Variants in MSL2 observed in about 807,000 individuals in gnomAD.
MSL2 encodes the protein E3 ubiquitin-protein ligase MSL2.
Under a neutral mutation model 35.8 loss-of-function variants are expected in MSL2, and 2 were observed. The ratio of observed to expected loss-of-function variants is 0.06; its 90% confidence interval spans 0.02 to 0.18. The LOEUF is 0.18. Ranked by LOEUF, MSL2 falls within the 10% of genes least tolerant of loss-of-function variation. MSL2 has a pLI of 1.00. For synonymous variants in MSL2, 296 were observed against 255.7 expected, an observed-to-expected ratio of 1.16 and a Z score of -1.50; for missense variants, 523 against 706.7, an observed-to-expected ratio of 0.74 and a Z score of 2.95.
chr3:136,160,226 A>C (rs916540827), intron 1 of MSL2, among the ~76,000 whole-genome samples: 4 of 146,502 alleles, frequency 2.7e-5, no homozygotes, highest in Admixed American at 1.4e-4. Flanking sequence ...CAGTGAGCCA[A>C]GATGGTGCCA....
At chr3:136,187,755 T>C (rs532947131) in intron 1 of MSL2, among the ~76,000 whole-genome samples, 1 of 152,278 alleles carries the variant, frequency 6.6e-6, no homozygotes, top group Admixed American at 6.5e-5. Flanking sequence ...TAAATATTGT[T>C]TTTCAAATGC....
intron 1 of MSL2, among the ~76,000 whole-genome samples, chr3:136,159,297 C>G (rs1409133760): frequency 6.8e-6 from 1 of 147,178 alleles, no homozygotes; most frequent in Non-Finnish European, 1.5e-5. Flanking sequence ...CATTTATGGT[C>G]AACCAATTTG....
At chr3:136,176,044 C>T (rs763398789) in intron 1 of MSL2, among the ~76,000 whole-genome samples, 1 of 151,756 alleles carries the variant, frequency 6.6e-6, no homozygotes, top group Non-Finnish European at 1.5e-5. Flanking sequence ...GATACATATA[C>T]AAGGAAATAA....
intron 1 of MSL2, 63 bp downstream of exon 1, chr3:136,194,909 T>C: frequency 1.2e-6 from 2 of 1,607,230 alleles, no homozygotes; most frequent in South Asian, 1.1e-5. Context: ...CCGCTCACGT[T>C]ACCACTGCCC....
intron 1 of MSL2, among the ~76,000 whole-genome samples, chr3:136,158,523 C>T (rs1034044950): frequency 3.9e-5 from 6 of 151,996 alleles, no homozygotes; most frequent in Admixed American, 2.6e-4. Flanking sequence ...AAAGGTAAAA[C>T]ACAACGCTTT....
chr3:136,180,571 G>A (rs1354069348), intron 1 of MSL2, among the ~76,000 whole-genome samples: 1 of 151,182 alleles, frequency 6.6e-6, no homozygotes, highest in Non-Finnish European at 1.5e-5. Context: ...ACGGAGGCTG[G>A]CACCTGTAAT....
chr3:136,194,337 C>G, intron 1 of MSL2: 1 of 885,984 alleles, frequency 1.1e-6, no homozygotes, highest in Non-Finnish European at 1.4e-6. Context: ...AAATAACCCT[C>G]GACAAAGCCA....
intron 1 of MSL2, among the ~76,000 whole-genome samples, chr3:136,166,788 G>A (rs1939867125): frequency 6.6e-6 from 1 of 152,048 alleles, no homozygotes; most frequent in African/African-American, 2.4e-5. Context: ...TAAACAACAA[G>A]GTTATCAGTA....
At chr3:136,160,515 GC>G (rs1473178788) in intron 1 of MSL2, among the ~76,000 whole-genome samples, 1 of 151,094 alleles carries the variant, frequency 6.6e-6, no homozygotes, top group African/African-American at 2.4e-5. Flanking sequence ...TTCGAGACCA[GC>G]CTGGCCAACA....
At chr3:136,188,974 A>C (rs1323250722) in intron 1 of MSL2, among the ~76,000 whole-genome samples, 3 of 151,746 alleles carry the variant, frequency 2.0e-5, no homozygotes, top group Non-Finnish European at 4.4e-5. Flanking sequence ...CCTTTCCCTA[A>C]AGCAGTATCA....
chr3:136,156,701 A>G (rs1939536960), intron 1 of MSL2, among the ~76,000 whole-genome samples: 1 of 152,084 alleles, frequency 6.6e-6, no homozygotes, highest in Admixed American at 6.6e-5. Flanking sequence ...CATCAATACA[A>G]AAAATTAGCC....
chr3:136,194,808 G>A (rs536365059), intron 1 of MSL2, among the ~76,000 whole-genome samples, 164 bp downstream of exon 1: 92 of 152,132 alleles, frequency 6.0e-4, no homozygotes, highest in Non-Finnish European at 8.2e-4. Flanking sequence ...CTGAAACGCC[G>A]GGCAAAAGTC....
chr3:136,159,311 G>A lies in MSL2; in HGVS notation c.143-6573C>T, dbSNP rs781242545. ...ACATTTATGGTCAACCAATTTGTGC[G>A]ACAGGGTATCCAGATGATTCAATGG... is the stretch of plus-strand genomic sequence containing the variant. On this transcript the variant is annotated intron_variant, in intron 1 of 1. Coordinates refer to ENST00000309993, the MANE Select transcript of MSL2 (RefSeq NM_018133.4). Among the ~76,000 whole-genome samples, 73 of 149,666 alleles carry A rather than the reference G, an allele frequency of 4.9e-4. 1 individual carries two copies. The highest frequency in any genetic ancestry group is 3.6e-3 in the Middle Eastern group (1 of 280).
rs1171974914 is a variant in MSL2, at chr3:136,149,640, C to G, written c.*1507G>C. ...ACAACAACAACAAAAACAACTCTAC[C>G]TGACCACATTCACAGAAAATGACAC... On this transcript the variant is annotated 3_prime_UTR_variant, in exon 2 of 2. Transcript: ENST00000309993. 6.8e-6 allele frequency: 1 copy of G among 147,444 alleles called. No homozygotes were observed. The highest frequency in any genetic ancestry group is 6.8e-5 in the Admixed American group (1 of 14,684). 9.1% of individuals were successfully genotyped at this position (147,444 alleles called of 1,614,324 possible).
At chr3:136,178,270 G>C (rs1266653338) in intron 1 of MSL2, among the ~76,000 whole-genome samples, 1 of 152,142 alleles carries the variant, frequency 6.6e-6, no homozygotes, top group Non-Finnish European at 1.5e-5. Flanking sequence ...GCAAAGCAAT[G>C]ACAGCCACTC....
chr3:136,186,008 T>A (rs2108091982), intron 1 of MSL2, among the ~76,000 whole-genome samples: 1 of 152,348 alleles, frequency 6.6e-6, no homozygotes, highest in Non-Finnish European at 1.5e-5. Flanking sequence ...ATGGCTGTTT[T>A]GCAGAATATT....
At chr3:136,155,751 T>C (rs1240843470) in intron 1 of MSL2, 4 of 530,660 alleles carry the variant, frequency 7.5e-6, no homozygotes, top group South Asian at 1.5e-5. Flanking sequence ...ACAGACGGAA[T>C]TGTGAGCACC....
At chr3:136,180,068 A>T (rs1228785493) in intron 1 of MSL2, among the ~76,000 whole-genome samples, 2 of 152,216 alleles carry the variant, frequency 1.3e-5, no homozygotes, top group Admixed American at 1.3e-4. Context: ...CCGTCTCAAA[A>T]AAAAAATAAA....
At chr3:136,191,239 C>T (rs1940681270) in intron 1 of MSL2, among the ~76,000 whole-genome samples, 2 of 152,146 alleles carry the variant, frequency 1.3e-5, no homozygotes, top group African/African-American at 2.4e-5. Context: ...AAGGCCAAGG[C>T]GGGCGGATCA....
Sources: gnomAD v4.1 joint callset for allele counts (sites outside exome capture counted in the v4.1 genomes callset) on GRCh38, gnomAD v4.1.1 for gene constraint, MANE v1.5 for transcripts, NCBI Gene and HGNC (gene_info 2026-07-23, HGNC 2026-07-21) for gene names.